The following TBCE variants were observed in gnomAD, a reference collection of about 807,000 sequenced individuals.
The protein encoded by TBCE is tubulin-specific chaperone E.
A neutral mutation model predicts 77.0 loss-of-function variants in TBCE; 53 were observed. That is an observed-to-expected ratio of 0.69 (90% CI 0.55 to 0.87). The LOEUF is 0.87. Ranked by LOEUF, TBCE falls within the 40% of genes least tolerant of loss-of-function variation. TBCE has a pLI of 0.00. For synonymous variants in TBCE, 235 were observed against 241.3 expected, an observed-to-expected ratio of 0.97 and a Z score of 0.24; for missense variants, 624 against 622.4, an observed-to-expected ratio of 1.00 and a Z score of -0.03.
intron 2 of TBCE, among the ~76,000 whole-genome samples, chr1:235,398,908 G>A (rs1239714682): frequency 2.0e-5 from 3 of 151,886 alleles, no homozygotes; most frequent in Admixed American, 2.0e-4. Context: ...GCCTCCCAAA[G>A]TGCTGGGATC....
At chr1:235,440,776 C>T (rs1006077945) in intron 13 of TBCE, 1 of 151,578 alleles carries the variant, frequency 6.6e-6, no homozygotes, top group Non-Finnish European at 1.5e-5. Flanking sequence ...AGTAAGCTCT[C>T]GTCCCGAGGG....
chr1:235,434,569 C>T (rs1431911010), intron 8 of TBCE, among the ~76,000 whole-genome samples: 2 of 137,296 alleles, frequency 1.5e-5, no homozygotes, highest in African/African-American at 5.7e-5. Context: ...GACAGAGTCT[C>T]ACTCTGTCGC....
intron 1 of TBCE, among the ~76,000 whole-genome samples, chr1:235,379,452 A>G (rs1366579406): frequency 6.6e-6 from 1 of 151,870 alleles, no homozygotes; most frequent in Non-Finnish European, 1.5e-5. Flanking sequence ...TGCTTGAACC[A>G]GGGAGGTGGA....
Position 235,398,627 on chromosome 1 carries a change from T to C in TBCE, c.101-2876T>C, listed in dbSNP as rs1273462674. 1.5e-4 allele frequency among the ~76,000 whole-genome samples: 22 copies of C among 149,708 alleles called. 1 individual carries two copies. Among genetic ancestry groups the C allele is most frequent in the African/African-American group, 5.3e-4 (22 of 41,170 alleles). On this transcript the variant is annotated intron_variant, in intron 2 of 16. Coordinates refer to ENST00000642610, the MANE Select transcript of TBCE (RefSeq NM_003193.5). The stretch of plus-strand genomic sequence containing the variant: ...ATGATTATTTGTGGTGTTTTCTTTT[T>C]TTTTTTTTTGAGACAAGGTCTTACT...
chr1:235,392,030 G>A (rs946068830), intron 2 of TBCE, among the ~76,000 whole-genome samples: 4 of 152,008 alleles, frequency 2.6e-5, no homozygotes, highest in Middle Eastern at 3.4e-3. Context: ...AGTTTAAATT[G>A]TGATTCATAG....
chr1:235,448,424 C>A lies in TBCE; in HGVS notation c.1475C>A (p.Ser492Tyr), dbSNP rs1188549283. ...LKVPVSDLLL[S>Y]YESPKKPGRE... ...GTTCCTGTGTCAGACCTTCTGTTGT[C>A]CTATGAAAGTCCCAAAGTAAGTTGC... The change falls in exon 16 of 17, where the codon TCC becomes TAC. Residue 492 changes from serine to tyrosine, a missense_variant. Ser to Tyr is a moderately radical substitution (Grantham distance 144, BLOSUM62 -2). Coordinates refer to ENST00000642610, the MANE Select transcript of TBCE (RefSeq NM_003193.5). The A allele has an allele frequency of 2.5e-6, 4 of 1,614,018 alleles. No individual in the cohort carries two copies. The highest frequency in any genetic ancestry group is 3.4e-6 in the Non-Finnish European group (4 of 1,179,960).
At position 235,450,760 on chromosome 1, in the gene TBCE, T is replaced by C. The variant is rs1192452497; in HGVS notation, c.*1998T>C. The C allele has an allele frequency of 2.5e-5, 4 of 157,660 alleles. No homozygotes were observed. The highest frequency in any genetic ancestry group is 9.6e-5 in the African/African-American group (4 of 41,562). 9.8% of individuals were successfully genotyped at this position (157,660 alleles called of 1,614,324 possible). On this transcript the variant is annotated 3_prime_UTR_variant, in exon 17 of 17. Transcript: ENST00000642610. ...ATATCTCACTTAAATCTCACAGTAATGCTGTGAGGTAGGAACTATTTCCCT... is the reference window on the plus strand; with the variant it reads ...ATATCTCACTTAAATCTCACAGTAACGCTGTGAGGTAGGAACTATTTCCCT...
At chr1:235,405,287 T>G (rs1679352418) in intron 3 of TBCE, among the ~76,000 whole-genome samples, 1 of 151,474 alleles carries the variant, frequency 6.6e-6, no homozygotes, top group Non-Finnish European at 1.5e-5. Flanking sequence ...GAATACCTCC[T>G]GAAGGACCTG....
At chr1:235,391,600 C>CTTTTTTT (rs58265980) in intron 2 of TBCE, among the ~76,000 whole-genome samples, 60 of 85,402 alleles carry the variant, frequency 7.0e-4, no homozygotes, top group African/African-American at 1.1e-3. Context: ...GCTTCATTTC[C>CTTTTTTT]TTTTTTTTTT....
chr1:235,429,275 C>A (rs1049359034), intron 6 of TBCE: 11 of 152,114 alleles, frequency 7.2e-5, no homozygotes, highest in Admixed American at 6.6e-5. Context: ...AGGTGTGAGC[C>A]ACCATGTCCC....
chr1:235,422,807 C>T (rs558556305), intron 5 of TBCE, among the ~76,000 whole-genome samples: 4 of 152,166 alleles, frequency 2.6e-5, no homozygotes, highest in South Asian at 2.1e-4. Context: ...CCAGCCTGGG[C>T]GACAAGAGCG....
intron 3 of TBCE, among the ~76,000 whole-genome samples, chr1:235,406,958 T>C (rs1679472987): frequency 6.6e-6 from 1 of 151,656 alleles, no homozygotes; most frequent in Non-Finnish European, 1.5e-5. Flanking sequence ...TCTCAGCCTT[T>C]TGAGTAGCTG....
At chr1:235,392,452 C>A (rs1022017693) in intron 2 of TBCE, among the ~76,000 whole-genome samples, 10 of 148,240 alleles carry the variant, frequency 6.7e-5, no homozygotes, top group African/African-American at 2.2e-4. Flanking sequence ...CTCTTGTTGC[C>A]CAGGCTGGAG....
intron 2 of TBCE, among the ~76,000 whole-genome samples, chr1:235,396,884 T>A (rs1187819764): frequency 2.6e-5 from 4 of 152,166 alleles, no homozygotes; most frequent in Admixed American, 6.5e-5. Flanking sequence ...TGGTTATTAA[T>A]CCCTTATTAG....
chr1:235,394,761 G>A (rs1678628263), intron 2 of TBCE, among the ~76,000 whole-genome samples: 1 of 152,060 alleles, frequency 6.6e-6, no homozygotes, highest in Non-Finnish European at 1.5e-5. Context: ...AGCCCAGGGT[G>A]GAGTGCAGTG....
intron 2 of TBCE, among the ~76,000 whole-genome samples, chr1:235,398,295 G>A (rs1057338601): frequency 9.2e-5 from 14 of 151,504 alleles, no homozygotes; most frequent in Admixed American, 7.2e-4. Context: ...ACAGGCACCC[G>A]CCACCACGCC....
intron 1 of TBCE, among the ~76,000 whole-genome samples, chr1:235,378,730 G>A (rs1049456699): frequency 1.6e-4 from 25 of 152,024 alleles, no homozygotes; most frequent in Non-Finnish European, 2.9e-4. Flanking sequence ...GCGTGGTGGC[G>A]TGTGCCTGTA....
chr1:235,371,144 C>T (rs1676926386), intron 1 of TBCE, among the ~76,000 whole-genome samples: 1 of 146,668 alleles, frequency 6.8e-6, no homozygotes, highest in Non-Finnish European at 1.5e-5. Flanking sequence ...GCAACCTCCG[C>T]CTCCTGGCTT....
At chr1:235,385,508 G>C (rs1026866481) in intron 2 of TBCE, among the ~76,000 whole-genome samples, 2 of 151,940 alleles carry the variant, frequency 1.3e-5, no homozygotes, top group Non-Finnish European at 2.9e-5. Flanking sequence ...CTCCTGTATT[G>C]GGTGCATATA....
Sources: gnomAD v4.1 joint callset for allele counts (sites outside exome capture counted in the v4.1 genomes callset) on GRCh38, gnomAD v4.1.1 for gene constraint, MANE v1.5 for transcripts, NCBI Gene and HGNC (gene_info 2026-07-23, HGNC 2026-07-21) for gene names.